CHAT: variants seen among roughly 807,000 people sequenced by gnomAD.
The protein encoded by CHAT is choline O-acetyltransferase.
CHAT carries 61 observed loss-of-function variants against 76.9 expected under a neutral mutation model. That is an observed-to-expected ratio of 0.79 (90% CI 0.65 to 0.98). The LOEUF is 0.98. Ranked by LOEUF, CHAT falls within the 50% of genes least tolerant of loss-of-function variation. The probability of loss-of-function intolerance (pLI) is 0.00; values close to 1 mark genes in which losing one functional copy is unlikely to be tolerated. For synonymous variants in CHAT, 407 were observed against 397.4 expected, an observed-to-expected ratio of 1.02 and a Z score of -0.29; for missense variants, 946 against 986.9, an observed-to-expected ratio of 0.96 and a Z score of 0.56.
At chr10:49,645,304 C>T (rs10400026) in intron 7 of CHAT, among the ~76,000 whole-genome samples, 2,875 of 152,318 alleles carry the variant, frequency 0.019, 97 homozygotes, top group African/African-American at 0.064. Context: ...GTGCCTCATC[C>T]TGTCCCAGCA....
At chr10:49,632,291 C>T (rs1177327148) in intron 7 of CHAT, among the ~76,000 whole-genome samples, 3 of 152,132 alleles carry the variant, frequency 2.0e-5, no homozygotes, top group Admixed American at 6.5e-5. Context: ...GGACTGCATG[C>T]GCGTAGAGGA....
intron 7 of CHAT, among the ~76,000 whole-genome samples, chr10:49,644,128 G>A (rs1839580582): frequency 6.6e-6 from 1 of 152,228 alleles, no homozygotes; most frequent in African/African-American, 2.4e-5. Context: ...CTCCAGGGCA[G>A]GGCTGGTACT....
chr10:49,641,872 G>A (rs1220971475), intron 7 of CHAT, among the ~76,000 whole-genome samples: 2 of 152,238 alleles, frequency 1.3e-5, no homozygotes, highest in South Asian at 2.1e-4. Flanking sequence ...GTGCACAGTA[G>A]TGCACATTAA....
rs1838967996 is a variant in CHAT at position 49,627,637 on chromosome 10, C to T, written c.963C>T (p.Phe321=). ...QFFVLDVVIN[F]RRLSEGDLFT... is the part of the protein sequence containing the mutation. ...TTGTCTTGGATGTTGTCATTAATTT[C>T]CGCCGTCTCAGTGAGGGGGATCTGT... The change falls in exon 7 of 15, where the codon TTC becomes TTT. Residue 321 remains phenylalanine, a synonymous_variant. Transcript: ENST00000337653. The T allele has an allele frequency of 6.8e-6, 11 of 1,614,154 alleles. No individual in the cohort carries two copies. Among genetic ancestry groups the T allele is most frequent in the Non-Finnish European group, 8.5e-6 (10 of 1,179,984 alleles).
At chr10:49,623,920 A>G (rs966351461) in intron 5 of CHAT, among the ~76,000 whole-genome samples, 29 of 152,276 alleles carry the variant, frequency 1.9e-4, no homozygotes, top group African/African-American at 6.0e-4. Flanking sequence ...TCTCTGCCAC[A>G]ACCTCCTTCC....
chr10:49,663,054 G>A (rs1380323879), intron 14 of CHAT, among the ~76,000 whole-genome samples: 1 of 152,084 alleles, frequency 6.6e-6, no homozygotes, highest in African/African-American at 2.4e-5. Flanking sequence ...GCAACATGGG[G>A]AGACCTCATC....
chr10:49,647,799 C>G (rs890715984), intron 8 of CHAT: 5 of 64,026 alleles, frequency 7.8e-5, no homozygotes, highest in African/African-American at 1.8e-4. Context: ...TTCCTTCCTT[C>G]CTTCCTTCCT....
intron 7 of CHAT, among the ~76,000 whole-genome samples, chr10:49,633,760 G>T (rs1303345025): frequency 1.3e-5 from 2 of 152,202 alleles, no homozygotes; most frequent in East Asian, 3.8e-4. Context: ...CCAGCCCTCT[G>T]GCTTTCCTGG....
At chr10:49,663,819 A>G (rs759603593) in intron 14 of CHAT, among the ~76,000 whole-genome samples, 3 of 152,254 alleles carry the variant, frequency 2.0e-5, no homozygotes, top group Non-Finnish European at 4.4e-5. Flanking sequence ...GACAGAACAC[A>G]GCACCATAAA....
intron 7 of CHAT, among the ~76,000 whole-genome samples, chr10:49,628,612 A>C (rs149206018): frequency 2.6e-4 from 39 of 152,360 alleles, no homozygotes; most frequent in African/African-American, 8.9e-4. Flanking sequence ...GGAGACTCAC[A>C]TCCAGGTGCA....
At chr10:49,610,744 G>C, upstream of CHAT, 1 of 1,517,262 alleles carries the variant, frequency 6.6e-7, no homozygotes, top group Non-Finnish European at 8.8e-7. Flanking sequence ...TGGGGGCATG[G>C]AATCCGCGGA....
At chr10:49,661,046 C>A (rs1315365496) in intron 13 of CHAT, among the ~76,000 whole-genome samples, 10 of 152,188 alleles carry the variant, frequency 6.6e-5, no homozygotes. Flanking sequence ...ATCTGTCCCC[C>A]ACTACACCAT....
intron 7 of CHAT, among the ~76,000 whole-genome samples, chr10:49,639,985 T>C (rs1297341426): frequency 6.6e-6 from 1 of 152,184 alleles, no homozygotes; most frequent in Non-Finnish European, 1.5e-5. Flanking sequence ...CACTGCGCTT[T>C]CTATATTGGT....
intron 9 of CHAT, 117 bp from the exon 10 acceptor site, chr10:49,649,391 C>A (rs1839789832): frequency 6.7e-7 from 1 of 1,489,110 alleles, no homozygotes; most frequent in Non-Finnish European, 9.3e-7. Context: ...GCTCGTACCC[C>A]CTGAAACTCC....
chr10:49,655,625 T>C (rs1379174940), intron 13 of CHAT, among the ~76,000 whole-genome samples, 177 bp downstream of exon 13: 1 of 152,232 alleles, frequency 6.6e-6, no homozygotes, highest in Admixed American at 6.5e-5. Context: ...CTAAGTAACA[T>C]AGCATTCCTG....
chr10:49,623,001 G>A (rs537201243), intron 5 of CHAT, among the ~76,000 whole-genome samples: 32 of 152,300 alleles, frequency 2.1e-4, no homozygotes, highest in Admixed American at 1.5e-3. Flanking sequence ...GGCAGGCAGA[G>A]CTCCCAGACT....
chr10:49,663,096 G>T (rs1410290426), intron 14 of CHAT, among the ~76,000 whole-genome samples: 1 of 152,080 alleles, frequency 6.6e-6, no homozygotes, highest in Non-Finnish European at 1.5e-5. Flanking sequence ...TGGGCATGGT[G>T]GTGCGTGCCT....
chr10:49,615,275 T>C (rs537414099), intron 1 of CHAT, among the ~76,000 whole-genome samples: 1 of 152,222 alleles, frequency 6.6e-6, no homozygotes, highest in Admixed American at 6.5e-5. Context: ...CATGCTCCGG[T>C]GAATCCTCAC....
chr10:49,638,334 T>C (rs980497354), intron 7 of CHAT, among the ~76,000 whole-genome samples: 4 of 152,218 alleles, frequency 2.6e-5, no homozygotes, highest in African/African-American at 9.6e-5. Flanking sequence ...TCATTATATT[T>C]GATGTGCACT....
Sources: gnomAD v4.1 joint callset for allele counts (sites outside exome capture counted in the v4.1 genomes callset) on GRCh38, gnomAD v4.1.1 for gene constraint, MANE v1.5 for transcripts, NCBI Gene and HGNC (gene_info 2026-07-23, HGNC 2026-07-21) for gene names.